The following FRMD4A variants were observed in gnomAD, a reference collection of about 807,000 sequenced individuals.
FRMD4A encodes the protein FERM domain-containing protein 4A.
FRMD4A carries 29 observed loss-of-function variants against 129.1 expected under a neutral mutation model. The observed-to-expected ratio is 0.22, with a 90% CI of 0.17 to 0.31. The LOEUF (loss-of-function observed/expected upper bound fraction) is 0.31. Ranked by LOEUF, FRMD4A falls within the 10% of genes least tolerant of loss-of-function variation. The probability of loss-of-function intolerance (pLI) is 1.00; values close to 1 mark genes in which losing one functional copy is unlikely to be tolerated. For synonymous variants in FRMD4A, 634 were observed against 571.6 expected, an observed-to-expected ratio of 1.11 and a Z score of -1.56; for missense variants, 1,272 against 1,375.8, an observed-to-expected ratio of 0.92 and a Z score of 1.19.
chr10:14,104,559 G>A (rs2131780785), intron 2 of FRMD4A, among the ~76,000 whole-genome samples: 1 of 152,328 alleles, frequency 6.6e-6, no homozygotes, highest in East Asian at 1.9e-4. Context: ...AGGCTCTACG[G>A]TGGCCCCGCT....
At position 13,657,141 on chromosome 10, in the gene FRMD4A, CG is replaced by C; in HGVS notation, c.2447del (p.Ala816GlyfsTer81). On this transcript the variant is annotated frameshift_variant, in exon 22 of 25. Transcript: ENST00000357447. LOFTEE classifies it high-confidence loss of function. ...GGCTGTGCAGGTACACACCGCCCCC[CG>C]CGCCCCCCGCGCCCCCCGCACCCCC... ...ARGGAGGAGG[A>X]GGGVYLHSQS... 3 of 1,400,762 alleles carry C rather than the reference CG, an allele frequency of 2.1e-6. No individual in the cohort carries two copies. The highest frequency in any genetic ancestry group is 2.8e-6 in the Non-Finnish European group (3 of 1,055,216). The allele number at this position is 1,400,762 out of a possible 1,614,324, so 86.8% of individuals were successfully genotyped here.
At chr10:13,706,965 C>G (rs2087522373) in intron 13 of FRMD4A, 72 bp downstream of exon 13, 1 of 823,674 alleles carries the variant, frequency 1.2e-6, no homozygotes. Context: ...AACGACAGCC[C>G]CAAAATAATA....
chr10:13,845,587 C>T (rs1189866730), intron 3 of FRMD4A, among the ~76,000 whole-genome samples: 1 of 152,174 alleles, frequency 6.6e-6, no homozygotes, highest in East Asian at 1.9e-4. Context: ...AGGCCAGTGA[C>T]TTGCCTGGGT....
intron 2 of FRMD4A, among the ~76,000 whole-genome samples, chr10:14,075,845 T>C (rs1199618859): frequency 6.6e-6 from 1 of 152,170 alleles, no homozygotes; most frequent in Non-Finnish European, 1.5e-5. Flanking sequence ...TATTTCTGCA[T>C]TGTCATAAAG....
At chr10:14,119,048 C>G (rs1329700986) in intron 2 of FRMD4A, among the ~76,000 whole-genome samples, 1 of 152,114 alleles carries the variant, frequency 6.6e-6, no homozygotes, top group Non-Finnish European at 1.5e-5. Context: ...TGGAGGAGGT[C>G]TTAGTTTCCA....
chr10:14,193,213 T>G (rs1284414635), intron 2 of FRMD4A, among the ~76,000 whole-genome samples: 1 of 152,224 alleles, frequency 6.6e-6, no homozygotes, highest in Non-Finnish European at 1.5e-5. Context: ...GTACTTTACC[T>G]TGCTTTCTCC....
chr10:14,054,100 G>C (rs1029293100), intron 2 of FRMD4A, among the ~76,000 whole-genome samples: 1 of 152,042 alleles, frequency 6.6e-6, no homozygotes, highest in African/African-American at 2.4e-5. Context: ...AGGAATTTGA[G>C]GCTGCAGTGA....
intron 3 of FRMD4A, among the ~76,000 whole-genome samples, chr10:13,824,680 G>A (rs1386800202): frequency 6.6e-6 from 1 of 151,924 alleles, no homozygotes; most frequent in African/African-American, 2.4e-5. Flanking sequence ...AACACTTGAG[G>A]TCATGAATTT....
rs1220908069 is a variant in FRMD4A, at chr10:13,832,510, G to A, written c.112-21602C>T. 1.3e-5 allele frequency among the ~76,000 whole-genome samples: 2 copies of A among 152,174 alleles called. 1 individual carries two copies. The highest frequency in any genetic ancestry group is 3.9e-4 in the East Asian group (2 of 5,194). On this transcript the variant is annotated intron_variant, in intron 3 of 24. Transcript: ENST00000357447. The stretch of plus-strand genomic sequence containing the variant: ...ATGCCTGGGGCACCCTCGGGATTCC[G>A]ACTTGATTGGTCTTGGGTGGGTCGA...
intron 2 of FRMD4A, among the ~76,000 whole-genome samples, chr10:14,146,785 T>G (rs919017194): frequency 3.9e-5 from 6 of 152,262 alleles, no homozygotes; most frequent in Middle Eastern, 3.4e-3. Context: ...ATTAAGTACC[T>G]TTGTCTCACC....
intron 2 of FRMD4A, among the ~76,000 whole-genome samples, chr10:14,245,562 C>T (rs1194776762): frequency 1.3e-5 from 2 of 152,098 alleles, no homozygotes; most frequent in Non-Finnish European, 2.9e-5. Flanking sequence ...CCCGCTACCT[C>T]AGAACGTGAA....
At chr10:14,255,274 C>T (rs1844568584) in intron 2 of FRMD4A, among the ~76,000 whole-genome samples, 1 of 152,220 alleles carries the variant, frequency 6.6e-6, no homozygotes, top group Admixed American at 6.5e-5. Flanking sequence ...GAAAGCCAGA[C>T]AACTTCCTCT....
At chr10:14,071,694 G>C (rs1022508529) in intron 2 of FRMD4A, among the ~76,000 whole-genome samples, 1 of 152,098 alleles carries the variant, frequency 6.6e-6, no homozygotes, top group Non-Finnish European at 1.5e-5. Context: ...GACTGGGCTT[G>C]GGTGTTCTTG....
At chr10:13,768,090 G>A (rs1306383382) in intron 6 of FRMD4A, among the ~76,000 whole-genome samples, 4 of 151,850 alleles carry the variant, frequency 2.6e-5, no homozygotes, top group Admixed American at 2.6e-4. Flanking sequence ...ATGTGTGTGT[G>A]TGTGTGTGTG....
rs866065805 is a variant in FRMD4A at position 13,843,292 on chromosome 10, T to C, written c.111+15555A>G. 2.2e-4 allele frequency among the ~76,000 whole-genome samples: 33 copies of C among 152,270 alleles called. 1 individual carries two copies. The highest frequency in any genetic ancestry group is 6.8e-3 in the Middle Eastern group (2 of 294). On this transcript the variant is annotated intron_variant, in intron 3 of 24. Transcript: ENST00000357447. Reference sequence around the variant, plus strand: ...CATCTCAAGTGACACTGAGGCTGTTTGTCTAGGACCACACTTTGAGAACCG... The same window carrying C: ...CATCTCAAGTGACACTGAGGCTGTTCGTCTAGGACCACACTTTGAGAACCG...
chr10:13,854,246 G>A (rs150406128), intron 3 of FRMD4A, among the ~76,000 whole-genome samples: 4 of 152,102 alleles, frequency 2.6e-5, no homozygotes, highest in Non-Finnish European at 4.4e-5. Flanking sequence ...ATATACATTC[G>A]GGTCAGAGAA....
At chr10:14,126,866 G>A (rs975003153) in intron 2 of FRMD4A, among the ~76,000 whole-genome samples, 2 of 152,104 alleles carry the variant, frequency 1.3e-5, no homozygotes, top group East Asian at 2.0e-4. Flanking sequence ...AGAATGAATC[G>A]TAATGAGTCA....
chr10:14,076,723 A>G (rs1835632618), intron 2 of FRMD4A, among the ~76,000 whole-genome samples: 1 of 152,150 alleles, frequency 6.6e-6, no homozygotes, highest in South Asian at 2.1e-4. Context: ...AAAAACATCC[A>G]GGCATTTCCC....
At chr10:13,648,015 C>G (rs1316988837) in intron 24 of FRMD4A, 1 of 145,398 alleles carries the variant, frequency 6.9e-6, no homozygotes, top group Non-Finnish European at 1.5e-5. Context: ...ATTTCGGTAC[C>G]AAACACAGCT....
Sources: allele counts gnomAD v4.1 joint callset (sites outside exome capture counted in the v4.1 genomes callset), GRCh38; gene constraint gnomAD v4.1.1; transcripts MANE v1.5; gene names NCBI Gene and HGNC (gene_info 2026-07-23, HGNC 2026-07-21).